The following NUDC variants were observed in gnomAD, a reference collection of about 807,000 sequenced individuals.
The protein encoded by NUDC is nuclear distribution C, dynein complex regulator.
In NUDC, 14 loss-of-function variants were observed where a neutral mutation model predicts 45.0. That is an observed-to-expected ratio of 0.31 (90% CI 0.21 to 0.49). The LOEUF (loss-of-function observed/expected upper bound fraction) is 0.49. NUDC is among the 20% of genes least tolerant of loss of function. NUDC has a pLI of 0.99. For missense variants in NUDC, 323 were observed against 426.2 expected (o/e 0.76, Z 2.13); for synonymous variants, 153 against 156.7 (o/e 0.98, Z 0.17).
At chr1:26,913,243 C>T (rs2082038811) in intron 3 of NUDC, among the ~76,000 whole-genome samples, 1 of 152,064 alleles carries the variant, frequency 6.6e-6, no homozygotes, top group African/African-American at 2.4e-5. Context: ...GCCAAGATCG[C>T]ACCACTGCAC....
intron 2 of NUDC, among the ~76,000 whole-genome samples, chr1:26,925,358 G>A (rs1327422668): frequency 1.3e-5 from 2 of 150,918 alleles, no homozygotes; most frequent in Non-Finnish European, 3.0e-5. Context: ...GGCTAACACG[G>A]TGAAACCCCG....
At position 26,945,701 on chromosome 1, in the gene NUDC, G is replaced by A. The variant is rs769445800; in HGVS notation, c.944+15G>A. 12 of 1,598,248 alleles carry A rather than the reference G, an allele frequency of 7.5e-6. No individual in the cohort carries two copies. Among genetic ancestry groups the A allele is most frequent in the Non-Finnish European group, 8.6e-6 (10 of 1,166,376 alleles). ...ATTCTGAAGAAGTGAGCAATTCAGA[G>A]ACGGGGTTGGGGGACCGTGGGTGCC... is the stretch of plus-strand genomic sequence containing the variant. On this transcript the variant is annotated intron_variant, in intron 8 of 8. Coordinates refer to ENST00000321265, the MANE Select transcript of NUDC (RefSeq NM_006600.4).
rs772098049 is a variant in NUDC at position 26,924,185 on chromosome 1, T to C, written c.159+19T>C. 1.9e-5 allele frequency: 30 copies of C among 1,609,308 alleles called. 1 individual carries two copies. The South Asian group carries it at 3.3e-4, about 18-fold the overall frequency. The stretch of plus-strand genomic sequence containing the variant: ...AGAGAAGGTAAGTGTTGGAAACCAC[T>C]GTCCTTTGGGCGGCTCTGTCTCTTC... On this transcript the variant is annotated intron_variant, in intron 2 of 8. Transcript: ENST00000321265.
chr1:26,943,770 CAG>C (rs1467200686), intron 6 of NUDC, among the ~76,000 whole-genome samples: 1 of 152,110 alleles, frequency 6.6e-6, no homozygotes, highest in East Asian at 1.9e-4. Context: ...AGGTAGGACA[CAG>C]AGATCAGTAA....
chr1:26,904,090 GTC>G (rs1182276399), intron 2 of NUDC, among the ~76,000 whole-genome samples: 5 of 145,942 alleles, frequency 3.4e-5, no homozygotes, highest in African/African-American at 1.3e-4. Context: ...AAATAAAAAA[GTC>G]TAATGAGTGA....
chr1:26,927,343 C>T (rs1187951), intron 2 of NUDC, among the ~76,000 whole-genome samples: 4,324 of 146,628 alleles, frequency 0.029, 137 homozygotes, highest in Middle Eastern at 0.09. Flanking sequence ...AGCACAGTGG[C>T]GTGATCCAGC....
At chr1:26,943,208 C>G in intron 6 of NUDC, 143 bp downstream of exon 6, 1 of 916,450 alleles carries the variant, frequency 1.1e-6, no homozygotes, top group Non-Finnish European at 1.7e-6. Context: ...GTAGATCTGT[C>G]TCTATTTTAT....
intron 2 of NUDC, 58 bp downstream of exon 2, chr1:26,924,224 A>C: frequency 8.3e-6 from 12 of 1,445,874 alleles, no homozygotes; most frequent in Non-Finnish European, 1.1e-5. Flanking sequence ...AGAAAAGCTC[A>C]CCTGGCCTTT....
rs575737305 is a variant in NUDC, at chr1:26,941,851, A to G, written c.429+33A>G. On this transcript the variant is annotated intron_variant, in intron 4 of 8. Transcript: ENST00000321265. ...GGACTGCAGGGACTTGGGATGAGCC[A>G]GGAGCTTGGAACTTACAGGAAATCT... The G allele has an allele frequency of 1.3e-5, 21 of 1,605,334 alleles. No individual in the cohort carries two copies. The South Asian group carries it at 2.3e-4, about 18-fold the overall frequency.
At chr1:26,931,353 C>G (rs2082181734) in intron 2 of NUDC, among the ~76,000 whole-genome samples, 2 of 141,706 alleles carry the variant, frequency 1.4e-5, no homozygotes, top group East Asian at 4.6e-4. Context: ...GCTGGGATTA[C>G]AGGCATGAAC....
At chr1:26,934,555 A>G (rs957740189) in intron 2 of NUDC, among the ~76,000 whole-genome samples, 3 of 152,170 alleles carry the variant, frequency 2.0e-5, no homozygotes, top group African/African-American at 7.2e-5. Context: ...TCATTTCTGC[A>G]TTAACCCATA....
chr1:26,913,864 C>T, intron 3 of NUDC: 1 of 1,504,514 alleles, frequency 6.6e-7, no homozygotes, highest in South Asian at 1.4e-5. Flanking sequence ...GAGGCTGGAG[C>T]TCAGAAGTGC....
At chr1:26,914,973 AT>A (rs1038975336) in intron 3 of NUDC, among the ~76,000 whole-genome samples, 7 of 102,054 alleles carry the variant, frequency 6.9e-5, no homozygotes, top group Non-Finnish European at 8.9e-5. Context: ...TCTCAAAAAA[AT>A]ATATATGTAT....
At chr1:26,942,636 C>G (rs1409281889) in intron 4 of NUDC, 24 bp from the exon 5 acceptor site, 15 of 1,613,662 alleles carry the variant, frequency 9.3e-6, no homozygotes, top group Non-Finnish European at 1.3e-5. Flanking sequence ...AAGTAAGTAG[C>G]TGAGTGTCCC....
upstream of NUDC, among the ~76,000 whole-genome samples, chr1:26,917,259 A>AAATAAT (rs530923691): frequency 6.6e-6 from 1 of 151,458 alleles, no homozygotes; most frequent in African/African-American, 2.4e-5. Context: ...CCTTGTCTCA[A>AAATAAT]AATAATAATA....
At chr1:26,945,137 C>T (rs908015054) in intron 6 of NUDC, 20 of 577,546 alleles carry the variant, frequency 3.5e-5, no homozygotes, top group Middle Eastern at 4.6e-4. Context: ...AAACTTTTCT[C>T]CCTCCACCCT....
intron 2 of NUDC, chr1:26,911,000 G>A: frequency 2.5e-6 from 1 of 405,346 alleles, no homozygotes; most frequent in Non-Finnish European, 5.0e-6. Flanking sequence ...AACTGATGTA[G>A]TCAAATCCTG....
chr1:26,911,508 A>G, intron 3 of NUDC: 2 of 357,226 alleles, frequency 5.6e-6, no homozygotes, highest in Non-Finnish European at 1.1e-5. Flanking sequence ...ACCTTTTATT[A>G]CAAAAATCAA....
intron 2 of NUDC, among the ~76,000 whole-genome samples, chr1:26,933,228 C>A (rs946547342): frequency 6.6e-6 from 1 of 151,956 alleles, no homozygotes; most frequent in African/African-American, 2.4e-5. Flanking sequence ...CCACCGCGCC[C>A]GGCCACAATT....
Sources: gnomAD v4.1 joint callset for allele counts (sites outside exome capture counted in the v4.1 genomes callset) on GRCh38, gnomAD v4.1.1 for gene constraint, MANE v1.5 for transcripts, NCBI Gene and HGNC (gene_info 2026-07-23, HGNC 2026-07-21) for gene names.